Variants in SSBP2 observed in about 807,000 individuals in gnomAD.
The protein encoded by SSBP2 is single stranded DNA binding protein 2.
Under a neutral mutation model 61.8 loss-of-function variants are expected in SSBP2, and 17 were observed. That is an observed-to-expected ratio of 0.28 (90% CI 0.19 to 0.41). The LOEUF is 0.41. Ranked by LOEUF, SSBP2 falls within the 10% of genes least tolerant of loss-of-function variation. The pLI, the probability that SSBP2 is intolerant of heterozygous loss-of-function variation, is 1.00. For missense variants in SSBP2, 310 were observed against 458.7 expected (o/e 0.68, Z 2.96); for synonymous variants, 139 against 141.3 (o/e 0.98, Z 0.12).
intron 4 of SSBP2, 112 bp downstream of exon 4, chr5:81,615,357 CCAAA>C (rs1450136245): frequency 1.1e-4 from 87 of 778,774 alleles, no homozygotes; most frequent in East Asian, 3.2e-4. Flanking sequence ...AAAAAAGAGA[CCAAA>C]CAATTTCTTA....
rs62368673 is a variant in SSBP2 at position 81,566,134 on chromosome 5, A to G, written c.282+49339T>C. ...TATTTATTTGTTAAAGACAAGTAGA[A>G]GTAATATATCTTTATTCAATGCATT... is the stretch of plus-strand genomic sequence containing the variant. On this transcript the variant is annotated intron_variant, in intron 4 of 16. Transcript: ENST00000320672. Among the ~76,000 whole-genome samples, 552 of 152,346 alleles carry G rather than the reference A, an allele frequency of 3.6e-3. 1 individual carries two copies. The highest frequency in any genetic ancestry group is 6.8e-3 in the Middle Eastern group (2 of 294).
chr5:81,445,891 C>T (rs935042381), intron 12 of SSBP2, among the ~76,000 whole-genome samples: 1 of 152,086 alleles, frequency 6.6e-6, no homozygotes, highest in Non-Finnish European at 1.5e-5. Flanking sequence ...ATTTGTGTTA[C>T]GGTTTCAAAT....
At chr5:81,431,198 G>A (rs1380164270) in intron 15 of SSBP2, among the ~76,000 whole-genome samples, 1 of 152,008 alleles carries the variant, frequency 6.6e-6, no homozygotes, top group East Asian at 1.9e-4. Flanking sequence ...TGTATAAAAA[G>A]GACTTAGGTT....
intron 1 of SSBP2, among the ~76,000 whole-genome samples, chr5:81,739,164 CAAAAAAAAAAAAAAAAA>C (rs71000859): frequency 2.3e-4 from 12 of 51,100 alleles, no homozygotes; most frequent in African/African-American, 7.9e-4. Flanking sequence ...ACTCCATCTC[CAAAAAAAAAAAAAAAAA>C]AAAAAAAAAA....
At chr5:81,704,725 G>A (rs1354377765) in intron 1 of SSBP2, among the ~76,000 whole-genome samples, 1 of 145,292 alleles carries the variant, frequency 6.9e-6, no homozygotes, top group Non-Finnish European at 1.5e-5. Context: ...GAACCCAGGA[G>A]GCGGAGGTTG....
intron 1 of SSBP2, among the ~76,000 whole-genome samples, chr5:81,671,337 A>G (rs757339835): frequency 2.6e-5 from 4 of 152,134 alleles, no homozygotes; most frequent in Non-Finnish European, 4.4e-5. Context: ...ATATATTAAG[A>G]TATCAACAAC....
intron 1 of SSBP2, among the ~76,000 whole-genome samples, chr5:81,670,166 G>T (rs1298811518): frequency 1.3e-5 from 2 of 152,136 alleles, no homozygotes; most frequent in East Asian, 3.8e-4. Flanking sequence ...TATGGACTTC[G>T]AGTAATAATG....
intron 4 of SSBP2, among the ~76,000 whole-genome samples, chr5:81,585,546 T>TGA (rs1774994207): frequency 2.0e-5 from 3 of 150,588 alleles, no homozygotes; most frequent in Non-Finnish European, 4.4e-5. Flanking sequence ...ACAAAAATTG[T>TGA]GTGTGTGTAT....
intron 4 of SSBP2, among the ~76,000 whole-genome samples, chr5:81,531,043 T>C (rs948685892): frequency 1.1e-4 from 17 of 151,684 alleles, no homozygotes; most frequent in African/African-American, 4.1e-4. Flanking sequence ...ACCCTATTTC[T>C]ACAAAACCAA....
At chr5:81,684,703 C>T (rs150276208) in intron 1 of SSBP2, among the ~76,000 whole-genome samples, 1 of 152,184 alleles carries the variant, frequency 6.6e-6, no homozygotes, top group South Asian at 2.1e-4. Flanking sequence ...TGTACCCCGA[C>T]TGCATCTTGG....
At chr5:81,733,390 A>T (rs1233437951) in intron 1 of SSBP2, among the ~76,000 whole-genome samples, 1 of 152,140 alleles carries the variant, frequency 6.6e-6, no homozygotes, top group Non-Finnish European at 1.5e-5. Flanking sequence ...TAGTCATGGT[A>T]AATTATGGTT....
intron 5 of SSBP2, among the ~76,000 whole-genome samples, chr5:81,506,012 T>C (rs1768155038): frequency 6.6e-6 from 1 of 152,166 alleles, no homozygotes; most frequent in Non-Finnish European, 1.5e-5. Flanking sequence ...TTGCCTGAAT[T>C]GCAATTTTTA....
chr5:81,473,537 G>A (rs1052843036), intron 8 of SSBP2, among the ~76,000 whole-genome samples, 163 bp downstream of exon 8: 2 of 152,138 alleles, frequency 1.3e-5, no homozygotes, highest in African/African-American at 2.4e-5. Context: ...ATGGCTTCCA[G>A]CTTCATCCAT....
chr5:81,414,382 A>C lies in SSBP2; in HGVS notation c.*6122T>G, dbSNP rs1169915322. Reference sequence around the variant, plus strand: ...AACCAATTATACTAAGTTAACAGGGAAAATTTAACAGAGGAAATTCTCCTT... The same window carrying C: ...AACCAATTATACTAAGTTAACAGGGCAAATTTAACAGAGGAAATTCTCCTT... On this transcript the variant is annotated 3_prime_UTR_variant, in exon 17 of 17. Transcript: ENST00000320672. 1 of 152,178 alleles carries C rather than the reference A, an allele frequency of 6.6e-6. No homozygotes were observed. Among genetic ancestry groups the C allele is most frequent in the Non-Finnish European group, 1.5e-5 (1 of 68,018 alleles). The allele number at this position is 152,178 out of a possible 1,614,324, so 9.4% of individuals were successfully genotyped here. A position where few individuals can be genotyped will look rare whatever the true frequency, so the allele number is the denominator to read the frequency against.
At chr5:81,698,610 G>C (rs1179968170) in intron 1 of SSBP2, among the ~76,000 whole-genome samples, 2 of 152,086 alleles carry the variant, frequency 1.3e-5, no homozygotes, top group South Asian at 2.1e-4. Context: ...TCAGGAGTTC[G>C]AGACCAGCCT....
At chr5:81,458,248 A>T (rs1466578219) in intron 10 of SSBP2, among the ~76,000 whole-genome samples, 1 of 152,226 alleles carries the variant, frequency 6.6e-6, no homozygotes, top group Non-Finnish European at 1.5e-5. Flanking sequence ...CAATTAGTGA[A>T]ATCTGAATAA....
chr5:81,491,017 T>C (rs999170635), intron 5 of SSBP2, among the ~76,000 whole-genome samples: 6 of 152,254 alleles, frequency 3.9e-5, no homozygotes, highest in African/African-American at 1.2e-4. Flanking sequence ...AAGTTAGTTA[T>C]GTACTGTCAA....
chr5:81,419,594 C>G lies in SSBP2; in HGVS notation c.*910G>C, dbSNP rs1761475820. ...TTTTGTTATCACTTTTGGGCTTCATCATGTTAAAGAGAAAAGATGTTGCTA... is the reference window on the plus strand; with the variant it reads ...TTTTGTTATCACTTTTGGGCTTCATGATGTTAAAGAGAAAAGATGTTGCTA... On this transcript the variant is annotated 3_prime_UTR_variant, in exon 17 of 17. Transcript: ENST00000320672. 1 of 152,212 alleles carries G rather than the reference C, an allele frequency of 6.6e-6. No individual in the cohort carries two copies. The highest frequency in any genetic ancestry group is 1.5e-5 in the Non-Finnish European group (1 of 68,032). The allele number at this position is 152,212 out of a possible 1,614,324, so 9.4% of individuals were successfully genotyped here.
At chr5:81,695,140 T>C (rs1228661957) in intron 1 of SSBP2, among the ~76,000 whole-genome samples, 1 of 152,260 alleles carries the variant, frequency 6.6e-6, no homozygotes, top group Non-Finnish European at 1.5e-5. Context: ...GATTTCATTC[T>C]TGAGTATATA....
Sources: gnomAD v4.1 joint callset for allele counts (sites outside exome capture counted in the v4.1 genomes callset) on GRCh38, gnomAD v4.1.1 for gene constraint, MANE v1.5 for transcripts, NCBI Gene and HGNC (gene_info 2026-07-23, HGNC 2026-07-21) for gene names.